The following WWOX variants were observed in gnomAD, a reference collection of about 807,000 sequenced individuals.
WWOX encodes WW domain containing oxidoreductase.
WWOX carries 69 observed loss-of-function variants against 46.2 expected under a neutral mutation model. The ratio of observed to expected loss-of-function variants is 1.49; its 90% CI spans 1.23 to 1.82. The LOEUF (loss-of-function observed/expected upper bound fraction) is 1.82, where lower values mean the gene tolerates loss of function less well. Among genes scored for constraint, WWOX ranks in the 40% most tolerant of loss-of-function variants. The pLI is 0.00. For synonymous variants in WWOX, 359 were observed against 202.6 expected (o/e 1.77, Z -6.56); for missense variants, 919 against 542.6 (o/e 1.69, Z -6.89).
intron 8 of WWOX, among the ~76,000 whole-genome samples, chr16:79,029,422 G>C (rs1055303675): frequency 6.6e-6 from 1 of 152,166 alleles, no homozygotes; most frequent in African/African-American, 2.4e-5. Context: ...CAAAACATGT[G>C]TGCACCAGTA....
intron 8 of WWOX, among the ~76,000 whole-genome samples, chr16:78,451,613 A>C (rs1344008744): frequency 6.6e-6 from 1 of 152,184 alleles, no homozygotes; most frequent in Non-Finnish European, 1.5e-5. Context: ...AAAATGGGGA[A>C]AGTAGCTCCC....
intron 8 of WWOX, among the ~76,000 whole-genome samples, chr16:78,661,942 G>GATA (rs530828507): frequency 3.9e-4 from 59 of 152,312 alleles, no homozygotes; most frequent in Non-Finnish European, 7.2e-4. Flanking sequence ...TACTCAGGAG[G>GATA]ATAAGGTGGG....
chr16:78,267,812 C>G (rs956097032), intron 5 of WWOX, among the ~76,000 whole-genome samples: 18 of 152,174 alleles, frequency 1.2e-4, no homozygotes, highest in African/African-American at 4.3e-4. Flanking sequence ...CTCTCATTGC[C>G]CAGGCTCATC....
At chr16:78,855,521 A>G (rs541209660) in intron 8 of WWOX, among the ~76,000 whole-genome samples, 5 of 152,270 alleles carry the variant, frequency 3.3e-5, no homozygotes, top group South Asian at 2.1e-4. Flanking sequence ...ATCGATTCCA[A>G]TTTGTAAATG....
chr16:78,715,881 T>G (rs189057097), intron 8 of WWOX, among the ~76,000 whole-genome samples: 135 of 152,264 alleles, frequency 8.9e-4, no homozygotes, highest in African/African-American at 3.1e-3. Context: ...ACCCCTGAGC[T>G]GCAAGGAATG....
At chr16:78,788,975 A>C (rs1044139126) in intron 8 of WWOX, among the ~76,000 whole-genome samples, 1 of 152,226 alleles carries the variant, frequency 6.6e-6, no homozygotes, top group Non-Finnish European at 1.5e-5. Flanking sequence ...GACCCTTATC[A>C]TATAAATGAT....
intron 8 of WWOX, among the ~76,000 whole-genome samples, chr16:78,992,185 C>T (rs1413331783): frequency 2.0e-5 from 3 of 152,194 alleles, no homozygotes; most frequent in Non-Finnish European, 2.9e-5. Flanking sequence ...GACATTGGGC[C>T]GTGAGCTCCA....
At chr16:79,011,998 T>C (rs2047320272) in intron 8 of WWOX, among the ~76,000 whole-genome samples, 1 of 152,142 alleles carries the variant, frequency 6.6e-6, no homozygotes, top group Admixed American at 6.6e-5. Flanking sequence ...CTCTATTGTT[T>C]TGTCCCTCAC....
chr16:79,057,400 T>C lies in WWOX; in HGVS notation c.1057-154208T>C, dbSNP rs1030197194. Among the ~76,000 whole-genome samples, 47 of 152,352 alleles carry C rather than the reference T, an allele frequency of 3.1e-4. 1 individual carries two copies. Among genetic ancestry groups the C allele is most frequent in the Admixed American group, 2.5e-3 (38 of 15,308 alleles). On this transcript the variant is annotated intron_variant, in intron 8 of 8. Transcript: ENST00000566780. ...CTGTAATTCACCGGCCATAGCATTT[T>C]TACCAACTGTTTTTGCTAAGCATTA...
chr16:78,413,769 C>T (rs1043336911), intron 6 of WWOX, among the ~76,000 whole-genome samples: 6 of 151,940 alleles, frequency 3.9e-5, no homozygotes, highest in Non-Finnish European at 5.9e-5. Context: ...TGACTCAGTT[C>T]CTGGGTGGGG....
At chr16:78,846,512 G>C (rs2052302919) in intron 8 of WWOX, among the ~76,000 whole-genome samples, 1 of 152,066 alleles carries the variant, frequency 6.6e-6, no homozygotes, top group Non-Finnish European at 1.5e-5. Context: ...TTTGTCTGAT[G>C]TGTTCTCTTG....
At chr16:78,744,931 T>A (rs887071866) in intron 8 of WWOX, among the ~76,000 whole-genome samples, 8 of 152,164 alleles carry the variant, frequency 5.3e-5, no homozygotes, top group Admixed American at 4.6e-4. Flanking sequence ...CTATGTCAGG[T>A]CTTAATTTCC....
At chr16:79,015,575 G>A (rs1230276122) in intron 8 of WWOX, among the ~76,000 whole-genome samples, 1 of 152,136 alleles carries the variant, frequency 6.6e-6, no homozygotes, top group African/African-American at 2.4e-5. Flanking sequence ...TTCAACTCAT[G>A]AGGAGGGTCA....
At chr16:78,949,012 T>G (rs574917522) in intron 8 of WWOX, among the ~76,000 whole-genome samples, 2 of 152,212 alleles carry the variant, frequency 1.3e-5, no homozygotes, top group South Asian at 4.1e-4. Context: ...GCTAGAAATA[T>G]GGGCGGCCCT....
intron 8 of WWOX, among the ~76,000 whole-genome samples, chr16:78,608,772 G>A (rs552572457): frequency 7.2e-5 from 11 of 152,098 alleles, no homozygotes; most frequent in Non-Finnish European, 1.2e-4. Context: ...AGCCGGGGTC[G>A]CCTGCCCTCC....
intron 5 of WWOX, among the ~76,000 whole-genome samples, chr16:78,278,854 C>G (rs980520356): frequency 6.6e-6 from 1 of 151,628 alleles, no homozygotes; most frequent in Admixed American, 6.6e-5. Flanking sequence ...CTTCAGGTGA[C>G]TAAAGAAAAA....
chr16:78,934,134 G>A (rs2045684108), intron 8 of WWOX, among the ~76,000 whole-genome samples: 1 of 151,814 alleles, frequency 6.6e-6, no homozygotes, highest in African/African-American at 2.4e-5. Flanking sequence ...AGGAGATGGA[G>A]ACCATCCTGG....
Position 78,957,665 on chromosome 16 carries a change from TAAGTC to T in WWOX, c.1057-253939_1057-253935del, listed in dbSNP as rs561730559. Reference sequence around the variant, plus strand: ...ACTACAGATTCTATCTCTAAAAACTTAAGTCAAGGGATTTTCAAGCAGTTGTTTGA... The same window carrying T: ...ACTACAGATTCTATCTCTAAAAACTTAAGGGATTTTCAAGCAGTTGTTTGA... On this transcript the variant is annotated intron_variant, in intron 8 of 8. Transcript: ENST00000566780. Among the ~76,000 whole-genome samples the T allele has an allele frequency of 2.7e-3, 416 of 152,310 alleles. 1 individual carries two copies. Among genetic ancestry groups the T allele is most frequent in the African/African-American group, 9.6e-3 (397 of 41,556 alleles).
intron 8 of WWOX, among the ~76,000 whole-genome samples, chr16:79,066,558 A>G (rs1199836329): frequency 2.0e-5 from 3 of 152,218 alleles, no homozygotes; most frequent in Non-Finnish European, 2.9e-5. Flanking sequence ...AGGAAGCCTC[A>G]TTGGATTTCT....
Sources: allele counts gnomAD v4.1 joint callset (sites outside exome capture counted in the v4.1 genomes callset), GRCh38; gene constraint gnomAD v4.1.1; transcripts MANE v1.5; gene names NCBI Gene and HGNC (gene_info 2026-07-23, HGNC 2026-07-21).